SUGP2: variants seen among roughly 807,000 people sequenced by gnomAD.
SUGP2 encodes the protein SURP and G-patch domain containing 2.
Under a neutral mutation model 90.5 loss-of-function variants are expected in SUGP2, and 24 were observed. The ratio of observed to expected loss-of-function variants is 0.27; its 90% confidence interval spans 0.19 to 0.37. SUGP2 has a LOEUF of 0.37. SUGP2 is among the 10% of genes least tolerant of loss of function. SUGP2 has a pLI of 1.00. For synonymous variants in SUGP2, 473 were observed against 513.4 expected (o/e 0.92, Z 1.06); for missense variants, 1,233 against 1,363.3 (o/e 0.90, Z 1.51).
chr19:19,011,920 T>C (rs2058327456), intron 4 of SUGP2, among the ~76,000 whole-genome samples: 1 of 152,242 alleles, frequency 6.6e-6, no homozygotes, highest in Non-Finnish European at 1.5e-5. Flanking sequence ...AAGAAGAATA[T>C]TGCTTAGTAA....
At chr19:19,020,254 T>G (rs1158076024) in intron 3 of SUGP2, among the ~76,000 whole-genome samples, 1 of 150,638 alleles carries the variant, frequency 6.6e-6, no homozygotes, top group Non-Finnish European at 1.5e-5. Context: ...ACGATGAAAC[T>G]CCATTTCTAC....
At chr19:19,017,927 C>A (rs1448717831) in intron 4 of SUGP2, among the ~76,000 whole-genome samples, 1 of 140,092 alleles carries the variant, frequency 7.1e-6, no homozygotes, top group Non-Finnish European at 1.6e-5. Flanking sequence ...CTGATCATCA[C>A]TTTTTTTTTT....
In SUGP2 at chr19:19,004,463, G is replaced by C. The variant is rs201443551; in HGVS notation, c.2634C>G (p.Pro878=). Residue 878 remains proline (P), a synonymous_variant, in exon 7 of 11, where the codon CCC becomes CCG. Transcript: ENST00000452918. ...TCTCCAGCTCAGCCTCCCGCGGAGG[G>C]GGCTCGTCTTCAAACTCTGCTTCCC... is the stretch of plus-strand genomic sequence containing the variant. ...MEGEAEFEDE[P]PPREAELESP... The C allele has an allele frequency of 2.0e-5, 33 of 1,614,208 alleles. 1 individual carries two copies. The Admixed American group carries it at 4.3e-4, about 21-fold the overall frequency.
chr19:19,005,876 CACA>C (rs2058052376), intron 6 of SUGP2, among the ~76,000 whole-genome samples: 2 of 46,528 alleles, frequency 4.3e-5, no homozygotes, highest in Non-Finnish European at 9.2e-5. Context: ...CACACACACA[CACA>C]CACACACACA....
Position 19,024,945 on chromosome 19 carries a change from G to A in SUGP2, c.1403C>T (p.Ala468Val), listed in dbSNP as rs761998134. The A allele has an allele frequency of 6.2e-7, 1 of 1,614,164 alleles. No individual in the cohort carries two copies. The highest frequency in any genetic ancestry group is 8.5e-7 in the Non-Finnish European group (1 of 1,180,032). The change falls in exon 3 of 11, where the codon GCC becomes GTC. Residue 468 changes from alanine (A) to valine (V), a missense_variant. Transcript: ENST00000452918. ...TLSNPLDLAL[A>V]LETTNSLCRK... ...GCAGAGAGAGTTGGTGGTTTCTAGG[G>A]CAAGAGCCAAGTCCAGGGGGTTACT...
intron 2 of SUGP2, among the ~76,000 whole-genome samples, chr19:19,026,652 C>G (rs1392487427): frequency 2.0e-5 from 3 of 152,208 alleles, no homozygotes; most frequent in Non-Finnish European, 4.4e-5. Context: ...ATTTTTACTG[C>G]AACTGGAGCA....
intron 4 of SUGP2, among the ~76,000 whole-genome samples, chr19:19,011,698 T>C (rs1292449706): frequency 6.6e-6 from 1 of 152,080 alleles, no homozygotes; most frequent in East Asian, 1.9e-4. Flanking sequence ...TGTGATTTCA[T>C]ACATAACGAA....
chr19:19,025,973 G>A lies in SUGP2; in HGVS notation c.375C>T (p.His125=), dbSNP rs760496846. 5.0e-6 allele frequency: 8 copies of A among 1,614,116 alleles called. No homozygotes were observed. In the South Asian group the frequency reaches 8.8e-5, roughly 18 times the overall value. The change falls in exon 3 of 11, where the codon CAC becomes CAT. Residue 125 remains histidine, a synonymous_variant. Transcript: ENST00000452918. ...HSDSRDQVIG[H]RKLGHFRSQD... ...GAGAACGGAAATGCCCCAATTTCCG[G>A]TGGCCAATGACCTGGTCCCGAGAAT...
intron 6 of SUGP2, among the ~76,000 whole-genome samples, chr19:19,005,583 C>T (rs2058030812): frequency 6.6e-6 from 1 of 152,008 alleles, no homozygotes; most frequent in Admixed American, 6.6e-5. Context: ...ACCAGAAACC[C>T]AGCATTTGAT....
At position 19,019,191 on chromosome 19, in the gene SUGP2, T is replaced by C; in HGVS notation, c.1768A>G (p.Ile590Val). The change falls in exon 4 of 11, where the codon ATC (isoleucine) becomes GTC (valine). Residue 590 changes from isoleucine to valine, a missense_variant. This residue lies in a region of SUGP2 where 540 missense variants were observed against 542.6 expected (regional missense o/e 1.00). Transcript: ENST00000452918. ...ATGACACGTTTCACAAGCTGGTCGA[T>C]GGTGCCCACTACCCTGTGATCTGCT... Reference protein sequence around the residue: ...QRADHRVVGTIDQLVKRVIEG... With the variant: ...QRADHRVVGTVDQLVKRVIEG... The C allele has an allele frequency of 3.1e-6, 5 of 1,614,182 alleles. No homozygotes were observed. The highest frequency in any genetic ancestry group is 4.2e-6 in the Non-Finnish European group (5 of 1,179,996).
At chr19:19,015,756 C>T (rs753481638) in intron 4 of SUGP2, among the ~76,000 whole-genome samples, 4 of 152,154 alleles carry the variant, frequency 2.6e-5, no homozygotes, top group Non-Finnish European at 5.9e-5. Context: ...CTGTCCCCCT[C>T]GGTCTCCCAA....
chr19:19,010,011 G>T lies in SUGP2; in HGVS notation c.2182C>A (p.Pro728Thr). The change falls in exon 5 of 11, where the codon CCA (proline) becomes ACA (threonine). Residue 728 changes from proline to threonine, a missense_variant. By Grantham distance (38) the Pro-to-Thr change is conservative. Around this residue, in one of 8 missense-constraint regions of SUGP2, gnomAD observed 540 missense variants for 542.6 expected, o/e 1.00. Transcript: ENST00000452918. ...PGLSQAKPSL[P>T]DRNDAAKDCP... ...TCCTTGGCAGCATCATTTCTGTCTG[G>T]CAGGGATGGTTTTGCCTGTGAGAGG... The T allele has an allele frequency of 6.2e-7, 1 of 1,614,134 alleles. No individual in the cohort carries two copies. The highest frequency in any genetic ancestry group is 8.5e-7 in the Non-Finnish European group (1 of 1,180,028).
intron 8 of SUGP2, among the ~76,000 whole-genome samples, chr19:18,996,215 G>C (rs890473686): frequency 6.6e-6 from 1 of 152,062 alleles, no homozygotes; most frequent in African/African-American, 2.4e-5. Context: ...TGGCCAACGT[G>C]GCAAAACCCC....
At position 19,032,580 on chromosome 19, in the gene SUGP2, C is replaced by A. The variant is rs192291761; in HGVS notation, c.-12+857G>T. ...GGGACCCCCAACCAATGACAATGAACTAGTGACAGTTCATTCTGCGCTGGG... is the reference window on the plus strand; with the variant it reads ...GGGACCCCCAACCAATGACAATGAAATAGTGACAGTTCATTCTGCGCTGGG... On this transcript the variant is annotated intron_variant, in intron 1 of 10. Transcript: ENST00000452918. Among the ~76,000 whole-genome samples the A allele has an allele frequency of 4.1e-3, 621 of 152,210 alleles. 7 individuals carry two copies. The highest frequency in any genetic ancestry group is 0.02 in the Middle Eastern group (6 of 294).
chr19:19,017,838 A>G (rs1222260169), intron 4 of SUGP2, among the ~76,000 whole-genome samples: 2 of 152,118 alleles, frequency 1.3e-5, no homozygotes, highest in African/African-American at 2.4e-5. Flanking sequence ...AGCCTCTAAC[A>G]TGAGCTTTAA....
chr19:19,010,445 GTCCTC>G (rs1292822639), intron 4 of SUGP2, 103 bp from the exon 5 acceptor site: 2 of 1,438,208 alleles, frequency 1.4e-6, no homozygotes, highest in African/African-American at 2.8e-5. Context: ...ACTCCTCACT[GTCCTC>G]TCCTGTCTCA....
At position 19,004,593 on chromosome 19, in the gene SUGP2, A is replaced by G; in HGVS notation, c.2504T>C (p.Phe835Ser). ...SAFKFYRKKV[F>S]ELCPSICFTS... ...GAAACAAATTGATGGACATAGTTCA[A>G]ACACTTTCTTTCGATAGAATTTGAA... Residue 835 changes from phenylalanine (F) to serine (S), a missense_variant, in exon 7 of 11, where the codon TTT becomes TCT. Phe to Ser is a radical substitution (Grantham distance 155). Transcript: ENST00000452918. 1 of 1,613,790 alleles carries G rather than the reference A, an allele frequency of 6.2e-7. No individual in the cohort carries two copies. The highest frequency in any genetic ancestry group is 8.5e-7 in the Non-Finnish European group (1 of 1,179,752).
intron 5 of SUGP2, among the ~76,000 whole-genome samples, chr19:19,009,604 C>T (rs1463361228): frequency 2.0e-5 from 3 of 152,150 alleles, no homozygotes; most frequent in Non-Finnish European, 4.4e-5. Flanking sequence ...TCGGGGAGCA[C>T]GAAGGCATGG....
At position 19,033,431 on chromosome 19, in the gene SUGP2, C is replaced by T. The variant is rs1401152171; in HGVS notation, c.-12+6G>A. ...CCCACCGACGACGCCAGGGCCCGGG[C>T]CTCACCCCGAGACCACCGCGCGCGG... is the stretch of plus-strand genomic sequence containing the variant. On this transcript the variant is annotated splice_donor_region_variant and intron_variant, in intron 1 of 10. Transcript: ENST00000452918. The T allele has an allele frequency of 3.6e-6, 5 of 1,374,804 alleles. No individual in the cohort carries two copies. Among genetic ancestry groups the T allele is most frequent in the Middle Eastern group, 2.7e-4 (1 of 3,642 alleles). 85.2% of individuals were successfully genotyped at this position (1,374,804 alleles called of 1,614,324 possible).
Sources: allele counts gnomAD v4.1 joint callset (sites outside exome capture counted in the v4.1 genomes callset), GRCh38; gene constraint gnomAD v4.1.1; regional missense constraint gnomAD v4.1.1; transcripts MANE v1.5; gene names NCBI Gene and HGNC (gene_info 2026-07-23, HGNC 2026-07-21).